The following SH2D4A variants were observed in gnomAD, a reference collection of about 807,000 sequenced individuals.
SH2D4A encodes SH2 domain containing 4A.
In SH2D4A, 70 loss-of-function variants were observed where a neutral mutation model predicts 64.7. The observed-to-expected ratio is 1.08, with a 90% CI of 0.89 to 1.32. SH2D4A has a LOEUF of 1.32. Among genes scored for constraint, SH2D4A ranks in the 40% most tolerant of loss-of-function variants. The pLI is 0.00. For synonymous variants in SH2D4A, 268 were observed against 200.7 expected (o/e 1.34, Z -2.83); for missense variants, 706 against 540.1 (o/e 1.31, Z -3.04).
chr8:19,342,530 C>T (rs1585160793), intron 4 of SH2D4A, among the ~76,000 whole-genome samples: 1 of 152,298 alleles, frequency 6.6e-6, no homozygotes, highest in African/African-American at 2.4e-5. Context: ...GCCCTCTACA[C>T]ATTTGGAAAG....
intron 4 of SH2D4A, among the ~76,000 whole-genome samples, chr8:19,350,628 C>T (rs376201025): frequency 2.6e-5 from 4 of 152,040 alleles, no homozygotes; most frequent in African/African-American, 7.3e-5. Context: ...GAACTACAGG[C>T]GCACACAACC....
At chr8:19,321,139 A>ATTATATG (rs2052183411) in intron 2 of SH2D4A, among the ~76,000 whole-genome samples, 1 of 152,192 alleles carries the variant, frequency 6.6e-6, no homozygotes, top group African/African-American at 2.4e-5. Context: ...CCTAACCTTC[A>ATTATATG]CAAAACTTCT....
Position 19,382,823 on chromosome 8 carries a change from C to CTTTTTTTTTTTTTTTTTTTTTTTTTTT in SH2D4A, c.1048+9188_1048+9189insTTTTTTTTTTTTTTTTTTTTTTTTTTT, listed in dbSNP as rs1159245319. Among the ~76,000 whole-genome samples, 15 of 64,618 alleles carry CTTTTTTTTTTTTTTTTTTTTTTTTTTT rather than the reference C, an allele frequency of 2.3e-4. 1 individual carries two copies. The highest frequency in any genetic ancestry group is 4.5e-4 in the Admixed American group (2 of 4,400). The allele number at this position is 64,618 out of a possible 152,430, so 42.4% of individuals were successfully genotyped here. ...TTTCTCTCTTGCTGCTTTTAAGATT[C>CTTTTTTTTTTTTTTTTTTTTTTTTTTT]TTTTTTTTTTTTTTTTTTTTTTTTT... On this transcript the variant is annotated intron_variant, in intron 8 of 9. Transcript: ENST00000265807.
At chr8:19,366,225 T>C (rs927061205) in intron 7 of SH2D4A, among the ~76,000 whole-genome samples, 1 of 151,752 alleles carries the variant, frequency 6.6e-6, no homozygotes, top group African/African-American at 2.4e-5. Context: ...TTTTGATACA[T>C]ATATATATAT....
chr8:19,345,338 GA>G (rs1270326981), intron 4 of SH2D4A, among the ~76,000 whole-genome samples: 1 of 152,220 alleles, frequency 6.6e-6, no homozygotes, highest in Non-Finnish European at 1.5e-5. Flanking sequence ...TACACATGCA[GA>G]TCTTAAAGCA....
intron 4 of SH2D4A, among the ~76,000 whole-genome samples, chr8:19,340,876 G>A (rs187552722): frequency 8.1e-4 from 124 of 152,214 alleles, no homozygotes; most frequent in African/African-American, 2.9e-3. Context: ...GGAATTACAG[G>A]TGTGAGCCAC....
At chr8:19,358,643 G>C (rs1304493310) in intron 5 of SH2D4A, among the ~76,000 whole-genome samples, 1 of 152,184 alleles carries the variant, frequency 6.6e-6, no homozygotes, top group African/African-American at 2.4e-5. Context: ...GATCATTTGA[G>C]AGAATGAATG....
intron 8 of SH2D4A, 30 bp downstream of exon 8, chr8:19,373,690 T>C: frequency 1.9e-6 from 3 of 1,610,190 alleles, no homozygotes; most frequent in Non-Finnish European, 2.5e-6. Flanking sequence ...CAATGGTGTT[T>C]CGTCTTAGGG....
chr8:19,357,723 C>T (rs1340279613), intron 5 of SH2D4A, among the ~76,000 whole-genome samples: 1 of 152,182 alleles, frequency 6.6e-6, no homozygotes, highest in Admixed American at 6.5e-5. Context: ...CCCCTTCTGG[C>T]ACTCAGCCCT....
At chr8:19,333,160 T>G in intron 3 of SH2D4A, 46 bp downstream of exon 3, 3 of 1,561,686 alleles carry the variant, frequency 1.9e-6, no homozygotes, top group Non-Finnish European at 2.6e-6. Context: ...CTCTCCAGAC[T>G]TTAGAAAACA....
intron 8 of SH2D4A, among the ~76,000 whole-genome samples, chr8:19,385,273 G>A (rs916007692): frequency 3.3e-5 from 5 of 150,438 alleles, no homozygotes; most frequent in Admixed American, 6.6e-5. Context: ...GCAGTGATGC[G>A]ATCTCAGCTC....
intron 8 of SH2D4A, among the ~76,000 whole-genome samples, chr8:19,389,126 T>G (rs17128340): frequency 0.012 from 1,795 of 152,296 alleles, 31 homozygotes; most frequent in African/African-American, 0.04. Flanking sequence ...AGTTGAATCT[T>G]GCAGAGTGAG....
intron 2 of SH2D4A, among the ~76,000 whole-genome samples, chr8:19,323,204 G>A (rs1439296847): frequency 2.0e-5 from 3 of 152,176 alleles, no homozygotes; most frequent in Admixed American, 2.0e-4. Context: ...TTGAGCACAG[G>A]AAATGAGGCT....
intron 8 of SH2D4A, among the ~76,000 whole-genome samples, chr8:19,374,690 T>C (rs1422955730): frequency 6.6e-6 from 1 of 152,194 alleles, no homozygotes; most frequent in East Asian, 1.9e-4. Context: ...TGTTCTTTGG[T>C]GATTCAGACT....
At chr8:19,340,837 A>T (rs1249953268) in intron 4 of SH2D4A, among the ~76,000 whole-genome samples, 1 of 151,794 alleles carries the variant, frequency 6.6e-6, no homozygotes, top group Non-Finnish European at 1.5e-5. Flanking sequence ...GGCTCGAGTG[A>T]TCCTCCTGTC....
At chr8:19,377,731 A>G (rs2053219569) in intron 8 of SH2D4A, among the ~76,000 whole-genome samples, 1 of 152,014 alleles carries the variant, frequency 6.6e-6, no homozygotes, top group African/African-American at 2.4e-5. Context: ...TCTCTCCTAC[A>G]TTTGCTATAA....
At chr8:19,356,336 C>G (rs1020420337) in intron 4 of SH2D4A, among the ~76,000 whole-genome samples, 1 of 152,178 alleles carries the variant, frequency 6.6e-6, no homozygotes, top group Non-Finnish European at 1.5e-5. Flanking sequence ...AATGGTGGCA[C>G]CAACCTTTTG....
chr8:19,339,463 GT>G (rs1252896688), intron 4 of SH2D4A, among the ~76,000 whole-genome samples: 1 of 145,526 alleles, frequency 6.9e-6, no homozygotes, highest in Non-Finnish European at 1.5e-5. Context: ...CAGATATTTA[GT>G]TAGCTCACTT....
intron 7 of SH2D4A, among the ~76,000 whole-genome samples, chr8:19,365,772 A>C (rs2052983100): frequency 6.6e-6 from 1 of 151,664 alleles, no homozygotes; most frequent in South Asian, 2.1e-4. Context: ...CAGGGATGGC[A>C]GAGGTCACCT....
Sources: gnomAD v4.1 joint callset for allele counts (sites outside exome capture counted in the v4.1 genomes callset) on GRCh38, gnomAD v4.1.1 for gene constraint, MANE v1.5 for transcripts, NCBI Gene and HGNC (gene_info 2026-07-23, HGNC 2026-07-21) for gene names.